The following MRTFB variants were observed in gnomAD, a reference collection of about 807,000 sequenced individuals.
The protein encoded by MRTFB is myocardin-related transcription factor B.
A neutral mutation model predicts 104.2 loss-of-function variants in MRTFB; 29 were observed. The ratio of observed to expected loss-of-function variants is 0.28; its 90% CI spans 0.21 to 0.38. The LOEUF (loss-of-function observed/expected upper bound fraction) is 0.38. Ranked by LOEUF, MRTFB falls within the 10% of genes least tolerant of loss-of-function variation. MRTFB has a pLI of 1.00. For synonymous variants in MRTFB, 535 were observed against 519.5 expected (o/e 1.03, Z -0.41); for missense variants, 1,270 against 1,341.6 (o/e 0.95, Z 0.83).
At chr16:14,109,517 A>T (rs2036163199) in intron 2 of MRTFB, among the ~76,000 whole-genome samples, 1 of 152,232 alleles carries the variant, frequency 6.6e-6, no homozygotes, top group African/African-American at 2.4e-5. Flanking sequence ...AGATACTGGT[A>T]CTTAATACGT....
At chr16:14,075,948 A>G (rs113484439) in intron 1 of MRTFB, among the ~76,000 whole-genome samples, 16 of 152,204 alleles carry the variant, frequency 1.1e-4, no homozygotes, top group Non-Finnish European at 1.5e-4. Context: ...TTAAAATGAC[A>G]TAAGACATAT....
At chr16:14,062,818 C>A in the MRTFB span, among the ~76,000 whole-genome samples, 3 of 152,168 alleles carry the variant, frequency 2.0e-5, no homozygotes, top group African/African-American at 7.2e-5. Flanking sequence ...CGCCATGAAA[C>A]ATCAGTGCCA....
chr16:14,248,848 G>C lies in MRTFB; in HGVS notation c.2248-78G>C, dbSNP rs2151418704. The C allele has an allele frequency of 1.3e-6, 2 of 1,497,480 alleles. 1 individual carries two copies. Among genetic ancestry groups the C allele is most frequent in the South Asian group, 2.5e-5 (2 of 78,584 alleles). The allele number at this position is 1,497,480 out of a possible 1,614,324, so 92.8% of individuals were successfully genotyped here. A position where few individuals can be genotyped will look rare whatever the true frequency, so the allele number is the denominator to read the frequency against. On this transcript the variant is annotated intron_variant, in intron 12 of 16. Transcript: ENST00000571589. ...TTTAGATACAATCCCCAAGTGACCA[G>C]TGATTCTACACCTAAGTTCTGATTT...
chr16:14,181,578 C>T (rs550747315), intron 3 of MRTFB, among the ~76,000 whole-genome samples: 2 of 152,240 alleles, frequency 1.3e-5, no homozygotes, highest in South Asian at 4.1e-4. Context: ...AAGAATGCTA[C>T]CAGAAAAGTA....
In MRTFB at chr16:14,078,554, C is replaced by G. The variant is rs1006918105; in HGVS notation, c.-128-736C>G. The stretch of plus-strand genomic sequence containing the variant: ...AATCAATCATCCTACCTCAGCCTCC[C>G]GAGCAGCTGGGACTACAGGGGCACC... On this transcript the variant is annotated intron_variant, in intron 1 of 16. Coordinates refer to ENST00000571589, the MANE Select transcript of MRTFB (RefSeq NM_001308142.2). Among the ~76,000 whole-genome samples the G allele has an allele frequency of 4.6e-5, 7 of 151,696 alleles. No individual in the cohort carries two copies. In the South Asian group the frequency reaches 1.3e-3, roughly 27 times the overall value.
At chr16:14,061,566 C>CTTTTTT in the MRTFB span, among the ~76,000 whole-genome samples, 1 of 102,630 alleles carries the variant, frequency 9.7e-6, no homozygotes, top group Non-Finnish European at 2.0e-5. Context: ...TCAAGGTCAT[C>CTTTTTT]TTTTTTTTTT....
rs371242494 is a variant in MRTFB, at chr16:14,218,837, T to G, written c.532T>G (p.Tyr178Asp). Residue 178 changes from tyrosine to aspartate, a missense_variant, in exon 8 of 17, where the codon TAT becomes GAT. Tyr to Asp is a radical substitution (Grantham distance 160). Transcript: ENST00000571589. The part of the protein sequence containing the change: ...EAIIGVGKED[Y>D]PHTQGDFSFD... ...TTCTTTAGGCGTTGGGAAGGAGGACTATCCCCACACTCAGGGCGATTTCTC... is the reference window on the plus strand; with the variant it reads ...TTCTTTAGGCGTTGGGAAGGAGGACGATCCCCACACTCAGGGCGATTTCTC... 2 of 1,603,148 alleles carry G rather than the reference T, an allele frequency of 1.2e-6. No homozygotes were observed. Among genetic ancestry groups the G allele is most frequent in the African/African-American group, 2.7e-5 (2 of 74,674 alleles).
At chr16:14,064,639 G>A in the MRTFB span, among the ~76,000 whole-genome samples, 1 of 152,146 alleles carries the variant, frequency 6.6e-6, no homozygotes, top group Non-Finnish European at 1.5e-5. Context: ...TTTTGTACAT[G>A]GTGTAAGGAA....
At chr16:14,050,962 C>T in the MRTFB span, among the ~76,000 whole-genome samples, 1 of 152,292 alleles carries the variant, frequency 6.6e-6, no homozygotes, top group Non-Finnish European at 1.5e-5. Flanking sequence ...CTACTTCCTC[C>T]TGTCTCGGCC....
chr16:14,209,923 T>C (rs1471735689), intron 3 of MRTFB, among the ~76,000 whole-genome samples: 2 of 152,234 alleles, frequency 1.3e-5, no homozygotes, highest in Non-Finnish European at 2.9e-5. Flanking sequence ...TTAGATTTAT[T>C]AGCAAGTCTT....
upstream of MRTFB, among the ~76,000 whole-genome samples, chr16:14,067,888 G>A (rs2033539621): frequency 6.6e-6 from 1 of 152,118 alleles, no homozygotes. Flanking sequence ...CTGGAGTGCA[G>A]TGGTGTAATC....
chr16:14,043,587 C>A, the MRTFB span, among the ~76,000 whole-genome samples: 1 of 152,120 alleles, frequency 6.6e-6, no homozygotes, highest in Non-Finnish European at 1.5e-5. Flanking sequence ...AGAATCTAGG[C>A]CAGGCAGTCT....
rs1394614419 is a variant in MRTFB at position 14,123,060 on chromosome 16, CAT to C, written c.-63-17481_-63-17480del. ...TGACCAGTGATGACGAGCATTTTTTCATATGTTTGTTGGCTGCATAAATATCT... is the reference window on the plus strand; with the variant it reads ...TGACCAGTGATGACGAGCATTTTTTCATGTTTGTTGGCTGCATAAATATCT... On this transcript the variant is annotated intron_variant, in intron 2 of 16. Coordinates refer to ENST00000571589, the MANE Select transcript of MRTFB (RefSeq NM_001308142.2). 5.3e-5 allele frequency among the ~76,000 whole-genome samples: 8 copies of C among 152,288 alleles called. No homozygotes were observed. The East Asian group carries it at 7.7e-4, about 15-fold the overall frequency.
chr16:14,200,823 G>T, intron 3 of MRTFB: 1 of 1,469,388 alleles, frequency 6.8e-7, no homozygotes, highest in African/African-American at 1.4e-5. Context: ...GGTTGGCGGT[G>T]GTTATCGTGG....
chr16:14,118,918 T>C (rs1032286024), intron 2 of MRTFB, among the ~76,000 whole-genome samples: 2 of 149,934 alleles, frequency 1.3e-5, no homozygotes, highest in African/African-American at 5.0e-5. Context: ...TAGATGTGTA[T>C]AGCAGTAATT....
chr16:14,180,351 T>C (rs2039726506), intron 3 of MRTFB, among the ~76,000 whole-genome samples: 1 of 152,202 alleles, frequency 6.6e-6, no homozygotes, highest in South Asian at 2.1e-4. Context: ...GCTAGGGAAG[T>C]TATCTCAGAA....
At chr16:14,218,453 A>G (rs966098244) in intron 7 of MRTFB, among the ~76,000 whole-genome samples, 3 of 151,714 alleles carry the variant, frequency 2.0e-5, no homozygotes, top group South Asian at 2.1e-4. Flanking sequence ...ATCTTAATCT[A>G]TTGGGTGGAT....
At chr16:14,086,670 G>C (rs1280416950) in intron 2 of MRTFB, among the ~76,000 whole-genome samples, 1 of 152,052 alleles carries the variant, frequency 6.6e-6, no homozygotes, top group African/African-American at 2.4e-5. Flanking sequence ...GCAGGAATTT[G>C]CTTATACGGT....
intron 3 of MRTFB, among the ~76,000 whole-genome samples, chr16:14,186,082 A>G (rs4781581): frequency 2.8e-4 from 43 of 152,140 alleles, no homozygotes; most frequent in Non-Finnish European, 5.7e-4. Flanking sequence ...AATCATGGCA[A>G]TGTTAACTCT....
Sources: gnomAD v4.1 joint callset for allele counts (sites outside exome capture counted in the v4.1 genomes callset) on GRCh38, gnomAD v4.1.1 for gene constraint, MANE v1.5 for transcripts, NCBI Gene and HGNC (gene_info 2026-07-23, HGNC 2026-07-21) for gene names.